EPB41L2: variants seen among roughly 807,000 people sequenced by gnomAD.
EPB41L2 encodes band 4.1-like protein 2.
A neutral mutation model predicts 113.0 loss-of-function variants in EPB41L2; 43 were observed. That is an observed-to-expected ratio of 0.38 (90% CI 0.30 to 0.49). The LOEUF (loss-of-function observed/expected upper bound fraction) is 0.49. Among genes scored for constraint, EPB41L2 ranks in the 20% least tolerant of loss-of-function variants. The pLI is 0.95. For synonymous variants in EPB41L2, 442 were observed against 436.7 expected, an observed-to-expected ratio of 1.01 and a Z score of -0.15; for missense variants, 1,147 against 1,223.4, an observed-to-expected ratio of 0.94 and a Z score of 0.93.
At chr6:130,998,235 T>C (rs1459655136) in intron 1 of EPB41L2, among the ~76,000 whole-genome samples, 7 of 152,198 alleles carry the variant, frequency 4.6e-5, no homozygotes, top group African/African-American at 1.7e-4. Context: ...TTGACTTTCT[T>C]TCCAAGATCT....
chr6:131,030,686 T>C (rs896989226), intron 1 of EPB41L2, among the ~76,000 whole-genome samples: 1 of 152,184 alleles, frequency 6.6e-6, no homozygotes, highest in Admixed American at 6.5e-5. Context: ...GATGCATTTG[T>C]AGTCAAACAT....
intron 14 of EPB41L2, among the ~76,000 whole-genome samples, 178 bp downstream of exon 14, chr6:130,877,926 C>G (rs1351009389): frequency 6.6e-6 from 1 of 152,082 alleles, no homozygotes; most frequent in Non-Finnish European, 1.5e-5. Context: ...TACCTAAGAA[C>G]TAGGCCAATA....
At chr6:131,049,012 C>T (rs1199080902) in intron 1 of EPB41L2, among the ~76,000 whole-genome samples, 1 of 152,094 alleles carries the variant, frequency 6.6e-6, no homozygotes, top group Non-Finnish European at 1.5e-5. Context: ...TAGAATCTAC[C>T]CTCTTTCGAT....
rs60350565 is a variant in EPB41L2 at position 130,892,403 on chromosome 6, C to CTTTTTTTTTTTTTTTTTTT, written c.1487+1922_1488-1938dup. On this transcript the variant is annotated intron_variant, in intron 10 of 19. Coordinates refer to ENST00000337057, the MANE Select transcript of EPB41L2 (RefSeq NM_001431.4). ...CTTGCCATTTCTGAACAGATTATTG[C>CTTTTTTTTTTTTTTTTTTT]TTTTTTTTTTTTTTTTTTTATCATT... 4.6e-3 allele frequency among the ~76,000 whole-genome samples: 428 copies of CTTTTTTTTTTTTTTTTTTT among 92,514 alleles called. 55 individuals carry two copies. Among genetic ancestry groups the CTTTTTTTTTTTTTTTTTTT allele is most frequent in the Non-Finnish European group, 7.6e-3 (314 of 41,424 alleles). 60.7% of individuals were successfully genotyped at this position (92,514 alleles called of 152,430 possible).
At chr6:130,967,398 C>T (rs1286107123) in intron 1 of EPB41L2, among the ~76,000 whole-genome samples, 1 of 152,062 alleles carries the variant, frequency 6.6e-6, no homozygotes, top group African/African-American at 2.4e-5. Context: ...GTTTTTTATC[C>T]TTTTTTCCTC....
At chr6:130,931,600 G>C (rs950430166) in intron 3 of EPB41L2, among the ~76,000 whole-genome samples, 1 of 151,760 alleles carries the variant, frequency 6.6e-6, no homozygotes, top group African/African-American at 2.4e-5. Flanking sequence ...AACTCGATTG[G>C]GTCGGCTCAG....
At chr6:131,062,205 A>T (rs145733200) in intron 1 of EPB41L2, among the ~76,000 whole-genome samples, 375 of 150,014 alleles carry the variant, frequency 2.5e-3, no homozygotes, top group African/African-American at 8.7e-3. Flanking sequence ...CATATATATA[A>T]AAAAAAAAAC....
At chr6:130,853,543 T>C (rs1269936273) in intron 19 of EPB41L2, among the ~76,000 whole-genome samples, 1 of 152,242 alleles carries the variant, frequency 6.6e-6, no homozygotes, top group African/African-American at 2.4e-5. Flanking sequence ...AAAGATTTAG[T>C]GAAGTCCTCA....
intron 3 of EPB41L2, among the ~76,000 whole-genome samples, chr6:130,932,043 A>T (rs1284537746): frequency 6.6e-6 from 1 of 152,236 alleles, no homozygotes; most frequent in African/African-American, 2.4e-5. Flanking sequence ...TTGGCTTATT[A>T]CATGGATTCA....
At chr6:131,003,536 C>T (rs561445102) in intron 1 of EPB41L2, among the ~76,000 whole-genome samples, 2 of 152,316 alleles carry the variant, frequency 1.3e-5, no homozygotes, top group South Asian at 2.1e-4. Flanking sequence ...GGCAAAACCA[C>T]AGTTTTGTTT....
At chr6:130,972,881 C>T (rs894814071) in intron 1 of EPB41L2, among the ~76,000 whole-genome samples, 7 of 130,770 alleles carry the variant, frequency 5.4e-5, no homozygotes, top group African/African-American at 2.0e-4. Context: ...ATCACGAGGT[C>T]AGGGATTCGA....
rs192331367 is a variant in EPB41L2 at position 130,990,435 on chromosome 6, A to G, written c.-14-33936T>C. Reference sequence around the variant, plus strand: ...ACTAGATGGGAGAAATACATAACACATAGCAAGATGGTACTCAAATATATC... The same window carrying G: ...ACTAGATGGGAGAAATACATAACACGTAGCAAGATGGTACTCAAATATATC... On this transcript the variant is annotated intron_variant, in intron 1 of 19. Transcript: ENST00000337057. 2.7e-3 allele frequency among the ~76,000 whole-genome samples: 409 copies of G among 152,342 alleles called. 1 individual carries two copies. Among genetic ancestry groups the G allele is most frequent in the African/African-American group, 9.3e-3 (387 of 41,578 alleles).
At chr6:130,867,966 ACACACACTCTCTCTCTCT>A (rs1784400705) in intron 15 of EPB41L2, 3 of 157,888 alleles carry the variant, frequency 1.9e-5, no homozygotes, top group African/African-American at 3.0e-5. Flanking sequence ...ACACACACAC[ACACACACTCTCTCTCTCT>A]CTCTCTCTCT....
rs76046338 is a variant in EPB41L2, at chr6:130,920,480, A to T, written c.810+6125T>A. Among the ~76,000 whole-genome samples, 408 of 152,042 alleles carry T rather than the reference A, an allele frequency of 2.7e-3. 3 individuals are homozygous for T. Among genetic ancestry groups the T allele is most frequent in the African/African-American group, 9.4e-3 (392 of 41,488 alleles). On this transcript the variant is annotated intron_variant, in intron 4 of 19. Coordinates refer to ENST00000337057, the MANE Select transcript of EPB41L2 (RefSeq NM_001431.4). The stretch of plus-strand genomic sequence containing the variant: ...CTTCTTTAAACAACAATTTACACTC[A>T]CTGTCAAATTTCTCTTTTTTTCTTT...
chr6:130,910,203 A>C (rs1256232794), intron 4 of EPB41L2, among the ~76,000 whole-genome samples: 1 of 152,194 alleles, frequency 6.6e-6, no homozygotes, highest in Non-Finnish European at 1.5e-5. Context: ...GGAACAGAAC[A>C]GATGCCTCAG....
chr6:130,968,055 T>C (rs989129269), intron 1 of EPB41L2, among the ~76,000 whole-genome samples: 1 of 152,182 alleles, frequency 6.6e-6, no homozygotes, highest in African/African-American at 2.4e-5. Context: ...ATGCATAAAA[T>C]GGCTCCTCAG....
At chr6:130,976,586 A>G (rs983327206) in intron 1 of EPB41L2, among the ~76,000 whole-genome samples, 7 of 152,234 alleles carry the variant, frequency 4.6e-5, no homozygotes, top group African/African-American at 1.7e-4. Flanking sequence ...CAGAAGGAGG[A>G]AAATGGACAA....
intron 1 of EPB41L2, among the ~76,000 whole-genome samples, chr6:130,963,970 G>A (rs1468734596): frequency 1.3e-5 from 2 of 151,910 alleles, no homozygotes; most frequent in Non-Finnish European, 2.9e-5. Context: ...CTCTCAGGTA[G>A]AGGCCCAATT....
chr6:130,890,270 C>T, intron 11 of EPB41L2, 24 bp downstream of exon 11: 1 of 1,580,984 alleles, frequency 6.3e-7, no homozygotes, highest in Admixed American at 1.8e-5. Flanking sequence ...GAATGAAAAT[C>T]AAAATTATCA....
Sources: allele counts gnomAD v4.1 joint callset (sites outside exome capture counted in the v4.1 genomes callset), GRCh38; gene constraint gnomAD v4.1.1; transcripts MANE v1.5; gene names NCBI Gene and HGNC (gene_info 2026-07-23, HGNC 2026-07-21).